Variants in TRHDE observed in about 807,000 individuals in gnomAD.
The protein encoded by TRHDE is thyrotropin-releasing hormone-degrading ectoenzyme.
In TRHDE, 72 loss-of-function variants were observed where a neutral mutation model predicts 125.7. The ratio of observed to expected loss-of-function variants is 0.57; its 90% CI spans 0.47 to 0.70. The LOEUF is 0.70. TRHDE is among the 30% of genes least tolerant of loss of function. TRHDE has a pLI of 0.00. For synonymous variants in TRHDE, 509 were observed against 509.1 expected (o/e 1.00, Z 0.00); for missense variants, 1,110 against 1,327.1 (o/e 0.84, Z 2.54).
In TRHDE at chr12:72,663,344, G is replaced by T. The variant is rs1285958472; in HGVS notation, c.*149G>T. On this transcript the variant is annotated 3_prime_UTR_variant, in exon 19 of 19. Coordinates refer to ENST00000261180, the MANE Select transcript of TRHDE (RefSeq NM_013381.3). ...ATTTTTTTTTTAGTTTTTATTTTTT[G>T]GTTTTGGGGGATATTTTTTATTTGT... 20 of 542,000 alleles carry T rather than the reference G, an allele frequency of 3.7e-5. No individual in the cohort carries two copies. Among genetic ancestry groups the T allele is most frequent in the South Asian group, 1.4e-4 (4 of 27,608 alleles). 33.6% of individuals were successfully genotyped at this position (542,000 alleles called of 1,614,324 possible).
chr12:72,518,777 C>T (rs1208438304), intron 6 of TRHDE, among the ~76,000 whole-genome samples: 3 of 152,208 alleles, frequency 2.0e-5, no homozygotes, highest in Non-Finnish European at 4.4e-5. Context: ...TTTGCAGCGG[C>T]TGGTACTGGT....
intron 15 of TRHDE, among the ~76,000 whole-genome samples, chr12:72,644,429 G>A (rs1192376210): frequency 1.3e-5 from 2 of 152,156 alleles, no homozygotes; most frequent in African/African-American, 2.4e-5. Flanking sequence ...ATGGTGGCTT[G>A]AGCAAGAGAT....
chr12:72,223,141 A>AAAT (rs1878034249), intron 2 of TRHDE, among the ~76,000 whole-genome samples: 1 of 152,058 alleles, frequency 6.6e-6, no homozygotes, highest in Non-Finnish European at 1.5e-5. Flanking sequence ...TATCAAATTT[A>AAAT]AATATTCTTA....
rs75850525 is a variant in TRHDE at position 72,426,718 on chromosome 12, T to TA, written c.1316-43028dup. ...GATATGGCAACCACAAAAATAGATT[T>TA]AAAAAAAAAAAACCAGTTCTTATGT... On this transcript the variant is annotated intron_variant, in intron 3 of 18. Transcript: ENST00000261180. 5.4e-3 allele frequency among the ~76,000 whole-genome samples: 742 copies of TA among 137,668 alleles called. 6 individuals are homozygous for TA. The highest frequency in any genetic ancestry group is 0.016 in the African/African-American group (610 of 39,224). The allele number at this position is 137,668 out of a possible 152,430, so 90.3% of individuals were successfully genotyped here.
At chr12:72,533,072 T>C (rs556669486) in intron 6 of TRHDE, among the ~76,000 whole-genome samples, 9 of 152,240 alleles carry the variant, frequency 5.9e-5, no homozygotes, top group Non-Finnish European at 1.0e-4. Context: ...CCTGTAAAAC[T>C]GTCCTGGATT....
At chr12:72,530,416 C>CTTTTTTTTTTTT (rs71438816) in intron 6 of TRHDE, among the ~76,000 whole-genome samples, 20 of 68,496 alleles carry the variant, frequency 2.9e-4, no homozygotes, top group South Asian at 6.5e-4. Context: ...TTCCTAGAAG[C>CTTTTTTTTTTTT]TTTTTTTTTT....
At chr12:72,624,956 G>C (rs1420134978) in intron 15 of TRHDE, among the ~76,000 whole-genome samples, 1 of 151,548 alleles carries the variant, frequency 6.6e-6, no homozygotes, top group Non-Finnish European at 1.5e-5. Context: ...ACACAGAAAA[G>C]ATGATGGCCT....
At chr12:72,321,382 ATTTATAACT>A (rs1869085619) in intron 2 of TRHDE, among the ~76,000 whole-genome samples, 1 of 152,154 alleles carries the variant, frequency 6.6e-6, no homozygotes, top group Admixed American at 6.5e-5. Context: ...AGCTCTGTCA[ATTTATAACT>A]TTTTGCAGTT....
At chr12:72,648,360 A>C (rs2136106624) in intron 15 of TRHDE, among the ~76,000 whole-genome samples, 1 of 152,258 alleles carries the variant, frequency 6.6e-6, no homozygotes, top group East Asian at 1.9e-4. Flanking sequence ...ACCTCCTTTA[A>C]CCACTTGTAT....
At chr12:72,364,743 C>T (rs1270501978) in intron 2 of TRHDE, among the ~76,000 whole-genome samples, 1 of 152,002 alleles carries the variant, frequency 6.6e-6, no homozygotes. Flanking sequence ...AAAGTGAGGT[C>T]AGCAGGCAGC....
At chr12:72,216,245 A>T (rs1877888615) in intron 2 of TRHDE, among the ~76,000 whole-genome samples, 1 of 152,194 alleles carries the variant, frequency 6.6e-6, no homozygotes, top group Non-Finnish European at 1.5e-5. Flanking sequence ...CTAGGCTAGC[A>T]GCCTGGAATT....
At chr12:72,172,613 G>C (rs1343344233) in intron 2 of TRHDE, among the ~76,000 whole-genome samples, 1 of 152,136 alleles carries the variant, frequency 6.6e-6, no homozygotes, top group African/African-American at 2.4e-5. Context: ...ATATGAGTAG[G>C]GGTGGGAAAT....
rs1406586507 is a variant in TRHDE, at chr12:72,224,166, G to GTATGTATGTATCTATC, written n.279+118417_279+118418insGTATGTATCTATCTAT. On this transcript the variant is annotated intron_variant and non_coding_transcript_variant, in intron 2 of 4. Coordinates refer to the TRHDE transcript ENST00000548156. ...TTTATCTATGTATGTATGTATGTAT[G>GTATGTATGTATCTATC]TATCTATCTATCTATCTATCTATCT... 1.1e-4 allele frequency among the ~76,000 whole-genome samples: 7 copies of GTATGTATGTATCTATC among 62,982 alleles called. No individual in the cohort carries two copies. The South Asian group carries it at 2.4e-3, about 21-fold the overall frequency. 41.3% of individuals were successfully genotyped at this position (62,982 alleles called of 152,430 possible). A position where few individuals can be genotyped will look rare whatever the true frequency, so the allele number is the denominator to read the frequency against.
chr12:72,268,724 T>C (rs1169202024), upstream of TRHDE, among the ~76,000 whole-genome samples: 1 of 152,106 alleles, frequency 6.6e-6, no homozygotes, highest in Non-Finnish European at 1.5e-5. Context: ...AGCCAATACA[T>C]TCACTGAAGA....
intron 18 of TRHDE, 36 bp downstream of exon 18, chr12:72,657,044 T>A (rs754606219): frequency 7.5e-7 from 1 of 1,327,558 alleles, no homozygotes; most frequent in Admixed American, 2.0e-5. Context: ...TTATTTTCTT[T>A]TATAAACATT....
At chr12:72,517,044 G>T (rs1878904554) in intron 6 of TRHDE, among the ~76,000 whole-genome samples, 1 of 151,934 alleles carries the variant, frequency 6.6e-6, no homozygotes, top group African/African-American at 2.4e-5. Context: ...GATTCAGTTT[G>T]CCAGTATTTT....
chr12:72,630,721 T>TA (rs751924317), intron 15 of TRHDE, among the ~76,000 whole-genome samples: 4 of 151,616 alleles, frequency 2.6e-5, no homozygotes, highest in Non-Finnish European at 5.9e-5. Context: ...AAAGGAGGAA[T>TA]AAAAATACTG....
At chr12:72,525,598 GGTT>G (rs1868316860) in intron 6 of TRHDE, among the ~76,000 whole-genome samples, 1 of 103,040 alleles carries the variant, frequency 9.7e-6, no homozygotes, top group Admixed American at 1.1e-4. Flanking sequence ...TTTTGTGTGT[GGTT>G]TGTGTGTGTG....
At chr12:72,228,305 A>G (rs1323483159) in intron 2 of TRHDE, among the ~76,000 whole-genome samples, 1 of 152,192 alleles carries the variant, frequency 6.6e-6, no homozygotes, top group African/African-American at 2.4e-5. Context: ...CTGTGCAACT[A>G]GAGGCCCAAC....
Sources: allele counts gnomAD v4.1 joint callset (sites outside exome capture counted in the v4.1 genomes callset), GRCh38; gene constraint gnomAD v4.1.1; transcripts MANE v1.5; gene names NCBI Gene and HGNC (gene_info 2026-07-23, HGNC 2026-07-21).